Variants in NR6A1 observed in about 807,000 individuals in gnomAD.
The protein encoded by NR6A1 is nuclear receptor subfamily 6 group A member 1.
Under a neutral mutation model 59.1 loss-of-function variants are expected in NR6A1, and 7 were observed. That is an observed-to-expected ratio of 0.12 (90% CI 0.07 to 0.22). The LOEUF (loss-of-function observed/expected upper bound fraction) is 0.22. Ranked by LOEUF, NR6A1 falls within the 10% of genes least tolerant of loss-of-function variation. The pLI is 1.00. For missense variants in NR6A1, 468 were observed against 611.6 expected, an observed-to-expected ratio of 0.77 and a Z score of 2.48; for synonymous variants, 243 against 236.1, an observed-to-expected ratio of 1.03 and a Z score of -0.27.
rs543606058 is a variant in NR6A1 at position 124,687,311 on chromosome 9, T to A, written c.142+45997A>T. The stretch of plus-strand genomic sequence containing the variant: ...AATTAATTATTTATTTATTTATTTA[T>A]TTATTTATTGGTAGAGACAAGGTCT... On this transcript the variant is annotated intron_variant, in intron 2 of 9. Coordinates refer to ENST00000487099, the MANE Select transcript of NR6A1 (RefSeq NM_033334.4). 4.6e-3 allele frequency among the ~76,000 whole-genome samples: 689 copies of A among 151,428 alleles called. 6 individuals carry two copies. Among genetic ancestry groups the A allele is most frequent in the African/African-American group, 0.016 (644 of 41,182 alleles).
intron 9 of NR6A1, 144 bp downstream of exon 9, chr9:124,524,577 C>G (rs1564162467): frequency 1.9e-5 from 16 of 828,960 alleles, no homozygotes. Context: ...TTATAACAGA[C>G]CTTTTTTGAG....
chr9:124,600,088 T>A (rs1835404185), intron 2 of NR6A1, among the ~76,000 whole-genome samples: 1 of 152,224 alleles, frequency 6.6e-6, no homozygotes, highest in Non-Finnish European at 1.5e-5. Context: ...TGATGCAAAG[T>A]GAAAGCCCGG....
At chr9:124,659,927 T>G (rs1300879390) in intron 2 of NR6A1, among the ~76,000 whole-genome samples, 5 of 152,252 alleles carry the variant, frequency 3.3e-5, no homozygotes, top group African/African-American at 7.2e-5. Context: ...GTTAATGCAT[T>G]GCATTTGAAC....
intron 2 of NR6A1, among the ~76,000 whole-genome samples, chr9:124,559,200 T>C (rs987029203): frequency 2.0e-5 from 3 of 152,152 alleles, no homozygotes; most frequent in Admixed American, 6.5e-5. Flanking sequence ...GCCTTAGAAA[T>C]TGCCCTGTAC....
At chr9:124,653,224 T>C (rs1215372956) in intron 2 of NR6A1, among the ~76,000 whole-genome samples, 1 of 152,158 alleles carries the variant, frequency 6.6e-6, no homozygotes, top group Non-Finnish European at 1.5e-5. Context: ...TCCAAAGTTC[T>C]GGCTGCCCCT....
In NR6A1 at chr9:124,534,096, G is replaced by A. The variant is rs1193385294; in HGVS notation, c.1079+1782C>T. ...ACTTTTTTTTTTTTTTTTTGAGACG[G>A]AGTTTCGCTCTTGTCGCCCAGGCTG... is the stretch of plus-strand genomic sequence containing the variant. On this transcript the variant is annotated intron_variant, in intron 7 of 9. Transcript: ENST00000487099. Among the ~76,000 whole-genome samples, 4 of 147,972 alleles carry A rather than the reference G, an allele frequency of 2.7e-5. No homozygotes were observed. The East Asian group carries it at 7.9e-4, about 29-fold the overall frequency.
At chr9:124,591,269 G>A (rs1004582604) in intron 2 of NR6A1, among the ~76,000 whole-genome samples, 2 of 152,116 alleles carry the variant, frequency 1.3e-5, no homozygotes, top group African/African-American at 4.8e-5. Flanking sequence ...CATGTTCTGG[G>A]CACTCTTGAC....
chr9:124,526,280 A>ATG (rs1308675712), intron 8 of NR6A1, among the ~76,000 whole-genome samples: 41 of 144,822 alleles, frequency 2.8e-4, no homozygotes, highest in African/African-American at 1.1e-3. Context: ...GATTGTGTGT[A>ATG]TGTGTGTATG....
At position 124,577,978 on chromosome 9, in the gene NR6A1, A is replaced by T. The variant is rs139155207; in HGVS notation, c.143-23408T>A. Among the ~76,000 whole-genome samples the T allele has an allele frequency of 5.3e-5, 8 of 152,350 alleles. No homozygotes were observed. The East Asian group carries it at 1.3e-3, about 26-fold the overall frequency. Reference sequence around the variant, plus strand: ...TCATGGAGTCTTACAAAGTGAAAGCACTAAGAACATTTGCTAAATGAATGG... The same window carrying T: ...TCATGGAGTCTTACAAAGTGAAAGCTCTAAGAACATTTGCTAAATGAATGG... On this transcript the variant is annotated intron_variant, in intron 2 of 9. Transcript: ENST00000487099.
chr9:124,655,935 G>C (rs1377759407), intron 2 of NR6A1, among the ~76,000 whole-genome samples: 1 of 152,208 alleles, frequency 6.6e-6, no homozygotes, highest in Non-Finnish European at 1.5e-5. Flanking sequence ...GGTTGCTACA[G>C]TTTGGATGTA....
chr9:124,737,542 A>G (rs1415776178), intron 1 of NR6A1, among the ~76,000 whole-genome samples: 3 of 152,178 alleles, frequency 2.0e-5, no homozygotes, highest in Non-Finnish European at 2.9e-5. Context: ...ATTAGATTCA[A>G]CTCAAAGGCA....
chr9:124,733,138 G>A (rs1839930076), intron 2 of NR6A1, among the ~76,000 whole-genome samples, 170 bp downstream of exon 2: 1 of 152,152 alleles, frequency 6.6e-6, no homozygotes, highest in South Asian at 2.1e-4. Flanking sequence ...TCAGAAGAAA[G>A]CATAACTAGA....
intron 2 of NR6A1, among the ~76,000 whole-genome samples, chr9:124,662,220 G>T (rs947296151): frequency 1.3e-5 from 2 of 152,078 alleles, no homozygotes; most frequent in African/African-American, 4.8e-5. Flanking sequence ...GCTCCAGAAT[G>T]GTACTAATTT....
At chr9:124,522,821 T>A in intron 9 of NR6A1, 28 bp from the exon 10 acceptor site, 1 of 1,540,778 alleles carries the variant, frequency 6.5e-7, no homozygotes, top group African/African-American at 1.4e-5. Flanking sequence ...GAAGAAGAGT[T>A]AGCAGTGGTC....
Position 124,637,541 on chromosome 9 carries a change from T to G in NR6A1, c.143-82971A>C, listed in dbSNP as rs891180656. ...CAAGAAAAAAAGACTCAAGAGAGGT[T>G]AGGTAACTTTCTCAAATCAAGTCTG... On this transcript the variant is annotated intron_variant, in intron 2 of 9. Transcript: ENST00000487099. 5.9e-5 allele frequency among the ~76,000 whole-genome samples: 9 copies of G among 152,308 alleles called. 1 individual carries two copies. The highest frequency in any genetic ancestry group is 1.7e-4 in the African/African-American group (7 of 41,562).
At position 124,719,666 on chromosome 9, in the gene NR6A1, C is replaced by T. The variant is rs561543325; in HGVS notation, c.142+13642G>A. On this transcript the variant is annotated intron_variant, in intron 2 of 9. Transcript: ENST00000487099. ...GAGCACAGTGGCTCACACCTGTAAT[C>T]TCAGCACTCTGGGAAGCCGAGGTGC... Among the ~76,000 whole-genome samples, 12 of 152,240 alleles carry T rather than the reference C, an allele frequency of 7.9e-5. 1 individual carries two copies. Among genetic ancestry groups the T allele is most frequent in the African/African-American group, 2.4e-4 (10 of 41,546 alleles).
At chr9:124,625,942 T>C (rs555768619) in intron 2 of NR6A1, among the ~76,000 whole-genome samples, 2 of 152,342 alleles carry the variant, frequency 1.3e-5, no homozygotes, top group African/African-American at 4.8e-5. Flanking sequence ...ACCTTCAGAC[T>C]GCAAATGCAG....
chr9:124,677,100 TAAAG>T (rs1837988157), intron 2 of NR6A1, among the ~76,000 whole-genome samples: 1 of 151,560 alleles, frequency 6.6e-6, no homozygotes, highest in South Asian at 2.1e-4. Context: ...AATAACAGGT[TAAAG>T]AAGAAAAAAA....
At chr9:124,737,276 T>C (rs913302567) in intron 1 of NR6A1, among the ~76,000 whole-genome samples, 9 of 152,224 alleles carry the variant, frequency 5.9e-5, no homozygotes, top group Non-Finnish European at 1.3e-4. Flanking sequence ...ACTGCTATTA[T>C]GTTGTCTCTG....
Sources: allele counts gnomAD v4.1 joint callset (sites outside exome capture counted in the v4.1 genomes callset), GRCh38; gene constraint gnomAD v4.1.1; transcripts MANE v1.5; gene names NCBI Gene and HGNC (gene_info 2026-07-23, HGNC 2026-07-21).